Variants in SLC16A7 observed in about 807,000 individuals in gnomAD.
SLC16A7 encodes the protein solute carrier family 16 member 7.
Under a neutral mutation model 34.9 loss-of-function variants are expected in SLC16A7, and 33 were observed. That is an observed-to-expected ratio of 0.94 (90% CI 0.72 to 1.26). The LOEUF (loss-of-function observed/expected upper bound fraction) is 1.26. SLC16A7 is among the 50% of genes most tolerant of loss of function. SLC16A7 has a pLI of 0.00. For missense variants in SLC16A7, 573 were observed against 578.1 expected, an observed-to-expected ratio of 0.99 and a Z score of 0.09; for synonymous variants, 201 against 206.6, an observed-to-expected ratio of 0.97 and a Z score of 0.23.
At chr12:59,726,424 GA>G (rs930400063) in intron 3 of SLC16A7, among the ~76,000 whole-genome samples, 2 of 151,572 alleles carry the variant, frequency 1.3e-5, no homozygotes, top group South Asian at 2.1e-4. Flanking sequence ...TTTAAAAATA[GA>G]AAAAAAATGA....
chr12:59,682,294 T>C (rs1289811200), intron 2 of SLC16A7, among the ~76,000 whole-genome samples: 1 of 152,224 alleles, frequency 6.6e-6, no homozygotes, highest in Non-Finnish European at 1.5e-5. Context: ...TGCTAGTTTA[T>C]ATAATTAAAC....
intron 1 of SLC16A7, among the ~76,000 whole-genome samples, chr12:59,627,904 A>T (rs921316572): frequency 2.0e-5 from 3 of 150,144 alleles, no homozygotes; most frequent in Non-Finnish European, 4.4e-5. Flanking sequence ...AAATATATAT[A>T]TATATTTTAT....
At chr12:59,751,010 A>G (rs12318588) in intron 3 of SLC16A7, among the ~76,000 whole-genome samples, 2,705 of 151,490 alleles carry the variant, frequency 0.018, 71 homozygotes, top group African/African-American at 0.061. Context: ...GAGTTGAACA[A>G]TAAGAAAACA....
chr12:59,646,739 C>T (rs775888139), intron 1 of SLC16A7, among the ~76,000 whole-genome samples: 9 of 152,142 alleles, frequency 5.9e-5, no homozygotes, highest in Non-Finnish European at 1.2e-4. Context: ...TCAATTCCAG[C>T]CCATGAAAGC....
intron 2 of SLC16A7, among the ~76,000 whole-genome samples, chr12:59,700,536 CTCTT>C (rs1295420508): frequency 4.0e-5 from 6 of 149,186 alleles, no homozygotes; most frequent in African/African-American, 1.5e-4. Context: ...TTAATTTTGA[CTCTT>C]TGATCTATAT....
chr12:59,668,746 A>G (rs940807828), intron 2 of SLC16A7, among the ~76,000 whole-genome samples: 1 of 152,208 alleles, frequency 6.6e-6, no homozygotes, highest in East Asian at 1.9e-4. Context: ...GGAAGGGGCT[A>G]GGAGTGAAAT....
At chr12:59,759,575 A>T (rs918201218) in intron 3 of SLC16A7, among the ~76,000 whole-genome samples, 6 of 152,058 alleles carry the variant, frequency 3.9e-5, no homozygotes, top group African/African-American at 1.2e-4. Flanking sequence ...AACAATATTT[A>T]TATTTCAAGA....
intron 2 of SLC16A7, among the ~76,000 whole-genome samples, chr12:59,703,562 T>G (rs1054371862): frequency 6.6e-6 from 1 of 152,196 alleles, no homozygotes. Context: ...GGAGATATTT[T>G]CTGTACAAAT....
intron 3 of SLC16A7, among the ~76,000 whole-genome samples, chr12:59,743,498 C>G (rs1468905968): frequency 6.6e-6 from 1 of 152,144 alleles, no homozygotes; most frequent in Non-Finnish European, 1.5e-5. Context: ...GGCATCATAA[C>G]TATCTTGTTC....
At chr12:59,644,181 C>A (rs369973461) in intron 1 of SLC16A7, among the ~76,000 whole-genome samples, 1 of 149,522 alleles carries the variant, frequency 6.7e-6, no homozygotes, top group African/African-American at 2.5e-5. Context: ...AATAAAAAAA[C>A]AAAAAAATAC....
chr12:59,741,590 A>G (rs1191784591), intron 3 of SLC16A7, among the ~76,000 whole-genome samples: 1 of 152,120 alleles, frequency 6.6e-6, no homozygotes, highest in Admixed American at 6.5e-5. Context: ...TAATACAGTC[A>G]CCGTTTTCAG....
chr12:59,742,399 C>T (rs1359348632), intron 3 of SLC16A7, among the ~76,000 whole-genome samples: 1 of 152,130 alleles, frequency 6.6e-6, no homozygotes, highest in African/African-American at 2.4e-5. Flanking sequence ...TGATAATTGT[C>T]AAACCACCAC....
intron 1 of SLC16A7, among the ~76,000 whole-genome samples, chr12:59,606,849 AAT>A (rs201958936): frequency 0.011 from 1,612 of 147,738 alleles, 19 homozygotes; most frequent in Non-Finnish European, 0.017. Flanking sequence ...TGTATGTGTG[AAT>A]ATATATATAT....
intron 2 of SLC16A7, among the ~76,000 whole-genome samples, chr12:59,680,603 G>A (rs763444927): frequency 2.5e-4 from 38 of 151,572 alleles, no homozygotes; most frequent in African/African-American, 5.3e-4. Flanking sequence ...TTATAATACC[G>A]TATTTATTTT....
chr12:59,667,710 T>G (rs1441472964), intron 2 of SLC16A7, among the ~76,000 whole-genome samples: 1 of 152,166 alleles, frequency 6.6e-6, no homozygotes, highest in East Asian at 1.9e-4. Flanking sequence ...GACATTTGCC[T>G]AAGTAACAAG....
intron 3 of SLC16A7, among the ~76,000 whole-genome samples, chr12:59,743,050 A>G (rs947183356): frequency 1.3e-5 from 2 of 152,230 alleles, no homozygotes; most frequent in Admixed American, 6.5e-5. Context: ...TTAATTATGT[A>G]TAATGCTAGG....
At chr12:59,704,199 C>CAAAAAAAAAAAAAAAAAAGAAAA (rs1873238621) in intron 2 of SLC16A7, among the ~76,000 whole-genome samples, 1 of 51,616 alleles carries the variant, frequency 1.9e-5, no homozygotes, top group African/African-American at 6.2e-5. Flanking sequence ...GACTCTGTCT[C>CAAAAAAAAAAAAAAAAAAGAAAA]AAAAAAAAAA....
In SLC16A7 at chr12:59,787,277, C is replaced by A. The variant is rs1390576711; in HGVS notation, c.*7598C>A. 6.6e-6 allele frequency: 1 copy of A among 152,124 alleles called. No individual in the cohort carries two copies. Among genetic ancestry groups the A allele is most frequent in the African/African-American group, 2.4e-5 (1 of 41,416 alleles). 9.4% of individuals were successfully genotyped at this position (152,124 alleles called of 1,614,324 possible). A position where few individuals can be genotyped will look rare whatever the true frequency, so the allele number is the denominator to read the frequency against. The stretch of plus-strand genomic sequence containing the variant: ...TGCCATAGCATAGTCTTGAGGAGAA[C>A]ACCTCTACAGTATTTCTTGATCTAA... On this transcript the variant is annotated 3_prime_UTR_variant, in exon 6 of 6. Coordinates refer to ENST00000547379, the MANE Select transcript of SLC16A7 (RefSeq NM_001270623.2).
chr12:59,742,818 C>G (rs1408344699), intron 3 of SLC16A7, among the ~76,000 whole-genome samples: 1 of 152,160 alleles, frequency 6.6e-6, no homozygotes, highest in East Asian at 1.9e-4. Context: ...GATTCTCTTT[C>G]CTTCAGCATG....
Sources: allele counts gnomAD v4.1 joint callset (sites outside exome capture counted in the v4.1 genomes callset), GRCh38; gene constraint gnomAD v4.1.1; transcripts MANE v1.5; gene names NCBI Gene and HGNC (gene_info 2026-07-23, HGNC 2026-07-21).